Variants in GREM2 observed in about 807,000 individuals in gnomAD.
GREM2 encodes gremlin 2, DAN family BMP antagonist.
In GREM2, 11 loss-of-function variants were observed where a neutral mutation model predicts 14.2. That is an observed-to-expected ratio of 0.78 (90% CI 0.49 to 1.28). The LOEUF (loss-of-function observed/expected upper bound fraction) is 1.28, where lower values mean the gene tolerates loss of function less well. Ranked by LOEUF, GREM2 falls within the 50% of genes most tolerant of loss-of-function variation. GREM2 has a pLI of 0.00. For missense variants in GREM2, 210 were observed against 218.5 expected (o/e 0.96, Z 0.24); for synonymous variants, 98 against 97.6 (o/e 1.00, Z -0.02).
chr1:240,562,031 A>G (rs1390467061), intron 1 of GREM2, among the ~76,000 whole-genome samples: 1 of 152,210 alleles, frequency 6.6e-6, no homozygotes, highest in East Asian at 1.9e-4. Flanking sequence ...AGAATTGACT[A>G]ATTAAATGTA....
chr1:240,493,483 A>G lies in GREM2; in HGVS notation c.-1-7T>C, dbSNP rs1677318590. Reference sequence around the variant, plus strand: ...GGAAAGCTTCCAGAACATCCTGCAAACGAGAAAAGAGAGGGGCTGGCTGTG... The same window carrying G: ...GGAAAGCTTCCAGAACATCCTGCAAGCGAGAAAAGAGAGGGGCTGGCTGTG... On this transcript the variant is annotated splice_region_variant and splice_polypyrimidine_tract_variant and intron_variant, in intron 1 of 1. Coordinates refer to ENST00000318160, the MANE Select transcript of GREM2 (RefSeq NM_022469.4). 6.3e-7 allele frequency: 1 copy of G among 1,594,990 alleles called. No individual in the cohort carries two copies. Among genetic ancestry groups the G allele is most frequent in the Non-Finnish European group, 8.5e-7 (1 of 1,169,818 alleles).
intron 1 of GREM2, among the ~76,000 whole-genome samples, chr1:240,532,273 AG>A (rs1444998182): frequency 6.6e-6 from 1 of 152,018 alleles, no homozygotes; most frequent in Non-Finnish European, 1.5e-5. Context: ...TAGTAGAGAC[AG>A]GGTTTCACCA....
Position 240,515,885 on chromosome 1 carries a change from A to G in GREM2, c.-1-22409T>C, listed in dbSNP as rs1677944362. On this transcript the variant is annotated intron_variant, in intron 1 of 1. Transcript: ENST00000318160. ...GTTTGAACAATTCCCCCTCTTGAAC[A>G]TAAAAAGGACCACCACTAAACCACA... Among the ~76,000 whole-genome samples the G allele has an allele frequency of 4.6e-5, 7 of 152,200 alleles. No homozygotes were observed. The South Asian group carries it at 8.3e-4, about 18-fold the overall frequency.
rs1324552288 is a variant in GREM2, at chr1:240,491,469, A to G, written c.*1500T>C. ...CAAAGGAGCCCAGAAGAAGTATATA[A>G]TTTCGCTGGAAAATAAGTTACGTCT... On this transcript the variant is annotated 3_prime_UTR_variant, in exon 2 of 2. Transcript: ENST00000318160. 6.6e-6 allele frequency: 1 copy of G among 152,616 alleles called. No individual in the cohort carries two copies. The highest frequency in any genetic ancestry group is 2.4e-5 in the African/African-American group (1 of 41,442). 9.5% of individuals were successfully genotyped at this position (152,616 alleles called of 1,614,324 possible). A position where few individuals can be genotyped will look rare whatever the true frequency, so the allele number is the denominator to read the frequency against.
chr1:240,563,049 TGTGTATAGTG>T (rs1679097559), intron 1 of GREM2, among the ~76,000 whole-genome samples: 1 of 149,070 alleles, frequency 6.7e-6, no homozygotes, highest in East Asian at 2.1e-4. Context: ...TATGTGTGTA[TGTGTATAGTG>T]AGTGTGTATG....
Position 240,542,451 on chromosome 1 carries a change from A to G in GREM2, c.-1-48975T>C. Among the ~76,000 whole-genome samples, 1 of 150,844 alleles carries G rather than the reference A, an allele frequency of 6.6e-6. No homozygotes were observed. Among genetic ancestry groups the G allele is most frequent in the Admixed American group, 6.6e-5 (1 of 15,102 alleles). ...GAAACCCCCATCTCTACTAAAAAAA[A>G]AAAAAAAAAAAAAATTAGCTGGGTG... is the stretch of plus-strand genomic sequence containing the variant. On this transcript the variant is annotated intron_variant, in intron 1 of 1. Coordinates refer to ENST00000318160, the MANE Select transcript of GREM2 (RefSeq NM_022469.4). The surrounding 1 kb of genome is among the most constrained non-coding windows in gnomAD (Gnocchi z 4.1).
intron 1 of GREM2, among the ~76,000 whole-genome samples, chr1:240,545,142 G>C (rs1341870290): frequency 6.6e-6 from 1 of 152,214 alleles, no homozygotes; most frequent in African/African-American, 2.4e-5. Flanking sequence ...CAGGATTAGA[G>C]GGTTGGGACT....
chr1:240,495,945 T>TTGTTTA (rs1233392598), intron 1 of GREM2, among the ~76,000 whole-genome samples: 1 of 150,474 alleles, frequency 6.6e-6, no homozygotes, highest in Admixed American at 6.6e-5. Context: ...GTTTTTGTTT[T>TTGTTTA]TGTTTTTTTT....
intron 1 of GREM2, among the ~76,000 whole-genome samples, chr1:240,583,016 C>T (rs1272953899): frequency 6.6e-6 from 1 of 151,702 alleles, no homozygotes; most frequent in Non-Finnish European, 1.5e-5. Context: ...TCCTTTTTAC[C>T]ACATCTTCTT....
At chr1:240,562,922 ATG>A (rs1424745758) in intron 1 of GREM2, among the ~76,000 whole-genome samples, 1 of 133,926 alleles carries the variant, frequency 7.5e-6, no homozygotes, top group African/African-American at 2.9e-5. Flanking sequence ...CTGTGAGTGT[ATG>A]TGTATGTGTG....
chr1:240,490,488 G>A lies in GREM2; in HGVS notation c.*2481C>T, dbSNP rs189043577. On this transcript the variant is annotated 3_prime_UTR_variant, in exon 2 of 2. Coordinates refer to ENST00000318160, the MANE Select transcript of GREM2 (RefSeq NM_022469.4). ...CCACTTTTATGGCACGTCACACCGG[G>A]ATCACATATAATCCTAGATTATCTT... The A allele has an allele frequency of 7.9e-5, 12 of 152,576 alleles. No homozygotes were observed. Among genetic ancestry groups the A allele is most frequent in the Admixed American group, 6.5e-4 (10 of 15,286 alleles). The allele number at this position is 152,576 out of a possible 1,614,324, so 9.5% of individuals were successfully genotyped here. A position where few individuals can be genotyped will look rare whatever the true frequency, so the allele number is the denominator to read the frequency against.
intron 1 of GREM2, among the ~76,000 whole-genome samples, chr1:240,559,194 TGG>T (rs1336819972): frequency 6.6e-6 from 1 of 152,178 alleles, no homozygotes; most frequent in Admixed American, 6.6e-5. Context: ...ACAGTGCACT[TGG>T]ATCTTTTACT....
chr1:240,493,538 C>A, intron 1 of GREM2, 62 bp from the exon 2 acceptor site: 2 of 1,435,406 alleles, frequency 1.4e-6, no homozygotes, highest in Non-Finnish European at 1.8e-6. Flanking sequence ...ATCAATCTTA[C>A]TTATTTTTTT....
intron 1 of GREM2, among the ~76,000 whole-genome samples, chr1:240,602,303 C>T (rs1306505871): frequency 6.6e-6 from 1 of 152,134 alleles, no homozygotes; most frequent in Non-Finnish European, 1.5e-5. Flanking sequence ...TTAACATTAT[C>T]ACTCCATCCC....
chr1:240,527,826 G>A (rs1678258591), intron 1 of GREM2, among the ~76,000 whole-genome samples: 1 of 152,118 alleles, frequency 6.6e-6, no homozygotes, highest in Admixed American at 6.6e-5. Context: ...AAATCCAAGT[G>A]TCGTATTTCT....
chr1:240,505,668 A>C (rs1014586506), intron 1 of GREM2, among the ~76,000 whole-genome samples: 3 of 152,076 alleles, frequency 2.0e-5, no homozygotes, highest in Non-Finnish European at 4.4e-5. Flanking sequence ...ATTAATCCCC[A>C]AAATTTAAAT....
At chr1:240,593,036 C>T (rs377702995) in intron 1 of GREM2, among the ~76,000 whole-genome samples, 70 of 151,514 alleles carry the variant, frequency 4.6e-4, no homozygotes, top group Middle Eastern at 6.9e-3. Context: ...CCTAGCTACT[C>T]GGGAGGCTGA....
chr1:240,538,449 C>T (rs1678520861), intron 1 of GREM2, among the ~76,000 whole-genome samples: 1 of 151,998 alleles, frequency 6.6e-6, no homozygotes, highest in African/African-American at 2.4e-5. Flanking sequence ...CGCCTGTAAT[C>T]CCAGCACTTT....
At chr1:240,538,063 A>T (rs1278695050) in intron 1 of GREM2, among the ~76,000 whole-genome samples, 1 of 152,244 alleles carries the variant, frequency 6.6e-6, no homozygotes, top group African/African-American at 2.4e-5. Flanking sequence ...GAAACAATAG[A>T]ATTCAAAGTA....
Sources: allele counts gnomAD v4.1 joint callset (sites outside exome capture counted in the v4.1 genomes callset), GRCh38; gene constraint gnomAD v4.1.1; non-coding constraint Gnocchi (gnomAD v3.1); transcripts MANE v1.5; gene names NCBI Gene and HGNC (gene_info 2026-07-23, HGNC 2026-07-21).